MRTFA: variants seen among roughly 807,000 people sequenced by gnomAD.
MRTFA encodes myocardin related transcription factor A, also known as myocardin-related transcription factor A.
Under a neutral mutation model 83.5 loss-of-function variants are expected in MRTFA, and 20 were observed. The observed-to-expected ratio is 0.24, with a 90% CI of 0.17 to 0.35. The LOEUF (loss-of-function observed/expected upper bound fraction) is 0.35, where lower values mean the gene tolerates loss of function less well. Among genes scored for constraint, MRTFA ranks in the 10% least tolerant of loss-of-function variants. The probability of loss-of-function intolerance (pLI) is 1.00; values close to 1 mark genes in which losing one functional copy is unlikely to be tolerated. For missense variants in MRTFA, 1,200 were observed against 1,224.7 expected (o/e 0.98, Z 0.30); for synonymous variants, 659 against 541.2 (o/e 1.22, Z -3.02).
intron 3 of MRTFA, among the ~76,000 whole-genome samples, chr22:40,511,059 A>ATGATTAGAATTGGTAGT (rs1296665640): frequency 1.3e-5 from 2 of 152,188 alleles, no homozygotes; most frequent in Non-Finnish European, 2.9e-5. Flanking sequence ...GAGAAAGAAA[A>ATGATTAGAATTGGTAGT]TGATTAGAAT....
chr22:40,593,778 A>C (rs2056153424), intron 2 of MRTFA, among the ~76,000 whole-genome samples: 1 of 151,930 alleles, frequency 6.6e-6, no homozygotes, highest in Non-Finnish European at 1.5e-5. Context: ...GCAAGAGTCC[A>C]GACTGACATC....
At chr22:40,577,059 C>T (rs578154928) in intron 2 of MRTFA, among the ~76,000 whole-genome samples, 18 of 151,892 alleles carry the variant, frequency 1.2e-4, no homozygotes, top group South Asian at 8.3e-4. Flanking sequence ...CTCATCTCCA[C>T]AAAAAATTTA....
rs2052457433 is a variant in MRTFA at position 40,410,347 on chromosome 22, CTGGTTT to C, written c.*1037_*1042del. On this transcript the variant is annotated 3_prime_UTR_variant, in exon 15 of 15. Transcript: ENST00000355630. Reference sequence around the variant, plus strand: ...CACCTTCCCCATCTTTGTCCCAGCACTGGTTTTGGTGACTCCACCCCTACTCCCCTA... The same window carrying C: ...CACCTTCCCCATCTTTGTCCCAGCACTGGTGACTCCACCCCTACTCCCCTA... 2 of 304,162 alleles carry C rather than the reference CTGGTTT, an allele frequency of 6.6e-6. No homozygotes were observed. Among genetic ancestry groups the C allele is most frequent in the African/African-American group, 4.3e-5 (2 of 46,678 alleles). The allele number at this position is 304,162 out of a possible 1,614,324, so 18.8% of individuals were successfully genotyped here.
chr22:40,595,591 T>C (rs1465730824), intron 1 of MRTFA, among the ~76,000 whole-genome samples: 1 of 151,890 alleles, frequency 6.6e-6, no homozygotes, highest in Non-Finnish European at 1.5e-5. Context: ...CCTTAAGGAG[T>C]TGAGAAACTA....
rs1013467239 is a variant in MRTFA at position 40,541,823 on chromosome 22, C to T, written c.241+10283G>A. 2.6e-5 allele frequency among the ~76,000 whole-genome samples: 4 copies of T among 151,978 alleles called. No homozygotes were observed. In the East Asian group the frequency reaches 7.7e-4, roughly 29 times the overall value. On this transcript the variant is annotated intron_variant, in intron 3 of 14. Coordinates refer to ENST00000355630, the MANE Select transcript of MRTFA (RefSeq NM_020831.6). ...CTGGGATTACAGGTGCCTGCCACCA[C>T]GCCCAGCTAAATTTTTGTATTTTTA...
chr22:40,480,842 G>A (rs539905235), intron 3 of MRTFA, among the ~76,000 whole-genome samples: 3 of 147,614 alleles, frequency 2.0e-5, no homozygotes, highest in Admixed American at 6.9e-5. Context: ...TCCGCCTCCC[G>A]GGTTCAAGCG....
intron 1 of MRTFA, among the ~76,000 whole-genome samples, chr22:40,626,295 T>C (rs2056580848): frequency 6.6e-6 from 1 of 151,578 alleles, no homozygotes; most frequent in Non-Finnish European, 1.5e-5. Flanking sequence ...TAAGATTTAC[T>C]CGTTTTTTTT....
chr22:40,576,055 G>A (rs2055863684), intron 2 of MRTFA, among the ~76,000 whole-genome samples: 1 of 143,490 alleles, frequency 7.0e-6, no homozygotes, highest in African/African-American at 2.5e-5. Context: ...TTGAGACGGA[G>A]TCTTGTTCTG....
At chr22:40,592,075 T>C (rs1400405786) in intron 2 of MRTFA, among the ~76,000 whole-genome samples, 1 of 152,000 alleles carries the variant, frequency 6.6e-6, no homozygotes, top group Admixed American at 6.6e-5. Flanking sequence ...GTATCTCCCA[T>C]GAGAGAAGAA....
chr22:40,571,921 CA>C (rs557782525), intron 2 of MRTFA, among the ~76,000 whole-genome samples: 592 of 18,736 alleles, frequency 0.032, 1 homozygote, highest in Non-Finnish European at 0.033. Context: ...AAGACTCTGT[CA>C]AAAAAAAAAA....
At chr22:40,545,249 A>AG (rs2055344862) in intron 3 of MRTFA, among the ~76,000 whole-genome samples, 1 of 152,124 alleles carries the variant, frequency 6.6e-6, no homozygotes, top group Admixed American at 6.6e-5. Flanking sequence ...TAGAAGACAG[A>AG]GGAGTAATAT....
chr22:40,579,857 T>C (rs1001588996), intron 2 of MRTFA, among the ~76,000 whole-genome samples: 12 of 141,254 alleles, frequency 8.5e-5, no homozygotes, highest in Non-Finnish European at 1.4e-4. Flanking sequence ...CGAAACTCCA[T>C]CTCAAAAAAA....
chr22:40,435,431 T>C (rs2053149305), intron 5 of MRTFA, 68 bp downstream of exon 5: 1 of 1,500,578 alleles, frequency 6.7e-7, no homozygotes, highest in East Asian at 2.3e-5. Flanking sequence ...AATGGAAATA[T>C]AACCAGCAAT....
chr22:40,522,688 G>C (rs964615959), intron 3 of MRTFA: 1 of 152,220 alleles, frequency 6.6e-6, no homozygotes, highest in East Asian at 1.9e-4. Context: ...ACCATGCCTT[G>C]CTAATTTTTG....
At chr22:40,520,593 A>G (rs917694316) in intron 3 of MRTFA, among the ~76,000 whole-genome samples, 3 of 152,120 alleles carry the variant, frequency 2.0e-5, no homozygotes, top group African/African-American at 7.2e-5. Flanking sequence ...TTTTTAGTAG[A>G]CATAGGTTTC....
intron 1 of MRTFA, among the ~76,000 whole-genome samples, chr22:40,596,922 C>A (rs542459297): frequency 1.3e-5 from 2 of 152,050 alleles, no homozygotes; most frequent in East Asian, 3.9e-4. Context: ...TTGCAATGAG[C>A]CGAGATCACA....
intron 3 of MRTFA, among the ~76,000 whole-genome samples, chr22:40,469,283 C>G (rs1218104361): frequency 1.3e-5 from 2 of 152,164 alleles, no homozygotes; most frequent in Non-Finnish European, 2.9e-5. Context: ...GGCAGATGTC[C>G]TGGGAGTGGC....
rs191430384 is a variant in MRTFA at position 40,546,971 on chromosome 22, C to A, written c.241+5135G>T. On this transcript the variant is annotated intron_variant, in intron 3 of 14. Coordinates refer to ENST00000355630, the MANE Select transcript of MRTFA (RefSeq NM_020831.6). Reference sequence around the variant, plus strand: ...GAGATCGAGACCATCCTGGCTAACACGGTGAAACCCTGTTTTTACTAAAAA... The same window carrying A: ...GAGATCGAGACCATCCTGGCTAACAAGGTGAAACCCTGTTTTTACTAAAAA... 1.2e-3 allele frequency among the ~76,000 whole-genome samples: 183 copies of A among 152,124 alleles called. 1 individual carries two copies. The highest frequency in any genetic ancestry group is 4.2e-3 in the African/African-American group (173 of 41,490).
intron 2 of MRTFA, among the ~76,000 whole-genome samples, chr22:40,586,510 C>T (rs2056030582): frequency 1.3e-5 from 2 of 152,116 alleles, no homozygotes; most frequent in Admixed American, 6.6e-5. Context: ...AGGAAAATAC[C>T]TTACTCTCCC....
Sources: gnomAD v4.1 joint callset for allele counts (sites outside exome capture counted in the v4.1 genomes callset) on GRCh38, gnomAD v4.1.1 for gene constraint, MANE v1.5 for transcripts, NCBI Gene and HGNC (gene_info 2026-07-23, HGNC 2026-07-21) for gene names.